MAP4K4: variants seen among roughly 807,000 people sequenced by gnomAD.
MAP4K4 encodes HPK/GCK-like kinase HGK.
Under a neutral mutation model 189.6 loss-of-function variants are expected in MAP4K4, and 38 were observed. The observed-to-expected ratio is 0.20, with a 90% CI of 0.15 to 0.26. The LOEUF (loss-of-function observed/expected upper bound fraction) is 0.26. Ranked by LOEUF, MAP4K4 falls within the 10% of genes least tolerant of loss-of-function variation. The probability of loss-of-function intolerance (pLI) is 1.00; values close to 1 mark genes in which losing one functional copy is unlikely to be tolerated. For synonymous variants in MAP4K4, 610 were observed against 624.3 expected (o/e 0.98, Z 0.34); for missense variants, 1,054 against 1,726.9 (o/e 0.61, Z 6.91).
intron 16 of MAP4K4, among the ~76,000 whole-genome samples, chr2:101,863,464 G>A (rs2097725812): frequency 6.6e-6 from 1 of 152,042 alleles, no homozygotes; most frequent in African/African-American, 2.4e-5. Flanking sequence ...TGCCTTTCCA[G>A]TCTCTGCTTT....
intron 2 of MAP4K4, among the ~76,000 whole-genome samples, chr2:101,771,190 G>T (rs919891056): frequency 6.6e-6 from 1 of 152,184 alleles, no homozygotes; most frequent in Non-Finnish European, 1.5e-5. Context: ...ATGGTGGAGG[G>T]GAGCTATTTA....
chr2:101,718,798 A>G (rs918260922), intron 2 of MAP4K4, among the ~76,000 whole-genome samples: 8 of 152,188 alleles, frequency 5.3e-5, no homozygotes, highest in African/African-American at 1.9e-4. Context: ...TTCTGATTTC[A>G]GTGCATCTGG....
chr2:101,760,428 G>A (rs926714786), intron 2 of MAP4K4, among the ~76,000 whole-genome samples: 5 of 149,636 alleles, frequency 3.3e-5, no homozygotes, highest in African/African-American at 1.2e-4. Context: ...GGCAGAGGTT[G>A]TAGTGAGCTG....
At chr2:101,764,504 AT>A (rs1412995928) in intron 2 of MAP4K4, among the ~76,000 whole-genome samples, 1 of 152,214 alleles carries the variant, frequency 6.6e-6, no homozygotes, top group African/African-American at 2.4e-5. Context: ...GAATATATTA[AT>A]ATGTGCAAGG....
chr2:101,729,494 T>G (rs935249694), intron 2 of MAP4K4, among the ~76,000 whole-genome samples: 13 of 152,220 alleles, frequency 8.5e-5, no homozygotes, highest in Non-Finnish European at 2.9e-5. Flanking sequence ...TAGGCTGCAG[T>G]CAAGATAGTT....
At chr2:101,708,924 C>G (rs933202975) in intron 2 of MAP4K4, among the ~76,000 whole-genome samples, 1 of 152,152 alleles carries the variant, frequency 6.6e-6, no homozygotes, top group Non-Finnish European at 1.5e-5. Context: ...GTTCTTTGTT[C>G]CTTTTTATTG....
intron 3 of MAP4K4, among the ~76,000 whole-genome samples, chr2:101,796,508 A>G (rs2093712377): frequency 2.0e-5 from 3 of 152,160 alleles, no homozygotes; most frequent in Admixed American, 2.0e-4. Flanking sequence ...TAGAACCTGG[A>G]TCTTTGATTC....
At chr2:101,800,748 G>A (rs1305767388) in intron 3 of MAP4K4, among the ~76,000 whole-genome samples, 1 of 152,130 alleles carries the variant, frequency 6.6e-6, no homozygotes, top group African/African-American at 2.4e-5. Context: ...ATTTAAACAA[G>A]TACTGAACAC....
intron 8 of MAP4K4, among the ~76,000 whole-genome samples, chr2:101,835,090 A>G (rs1162520190): frequency 6.6e-6 from 1 of 152,242 alleles, no homozygotes; most frequent in African/African-American, 2.4e-5. Context: ...TATTTGTTGA[A>G]TGAATGAAAA....
chr2:101,701,581 C>A (rs1005679291), intron 2 of MAP4K4, among the ~76,000 whole-genome samples: 2 of 152,158 alleles, frequency 1.3e-5, no homozygotes, highest in African/African-American at 2.4e-5. Flanking sequence ...GTGTCTCTGA[C>A]AACAGTGGTA....
intron 2 of MAP4K4, among the ~76,000 whole-genome samples, chr2:101,780,183 A>G (rs1051962948): frequency 6.6e-6 from 1 of 152,188 alleles, no homozygotes; most frequent in African/African-American, 2.4e-5. Flanking sequence ...TGAAACCTTA[A>G]TTGAAGGTTG....
chr2:101,809,931 A>G (rs940048458), intron 3 of MAP4K4, among the ~76,000 whole-genome samples: 1 of 152,270 alleles, frequency 6.6e-6, no homozygotes, highest in Non-Finnish European at 1.5e-5. Flanking sequence ...GGATAATGCC[A>G]AATATACTTA....
intron 2 of MAP4K4, among the ~76,000 whole-genome samples, chr2:101,699,481 T>G (rs1232541620): frequency 1.3e-5 from 2 of 152,188 alleles, no homozygotes; most frequent in Non-Finnish European, 2.9e-5. Context: ...ATACTGAACG[T>G]TTTCTAAAAG....
chr2:101,795,254 C>A (rs909813856), intron 3 of MAP4K4, among the ~76,000 whole-genome samples: 2 of 152,218 alleles, frequency 1.3e-5, no homozygotes, highest in African/African-American at 4.8e-5. Context: ...AACCTTTCAA[C>A]TAATGGCTTT....
intron 11 of MAP4K4, among the ~76,000 whole-genome samples, chr2:101,843,355 G>T (rs2096978775): frequency 6.6e-6 from 1 of 152,162 alleles, no homozygotes; most frequent in Non-Finnish European, 1.5e-5. Flanking sequence ...AGAGAGAAGA[G>T]AATTTATTGA....
chr2:101,741,185 T>TTTA (rs2062616645), intron 2 of MAP4K4, among the ~76,000 whole-genome samples: 1 of 126,130 alleles, frequency 7.9e-6, no homozygotes, highest in African/African-American at 3.2e-5. Flanking sequence ...TTTTTTTTTT[T>TTTA]GAGACAGAGT....
intron 3 of MAP4K4, among the ~76,000 whole-genome samples, chr2:101,800,475 G>T (rs548279451): frequency 6.6e-6 from 1 of 152,246 alleles, no homozygotes; most frequent in African/African-American, 2.4e-5. Flanking sequence ...CCTTTTAAAA[G>T]ATTACAGACA....
intron 2 of MAP4K4, among the ~76,000 whole-genome samples, chr2:101,732,608 C>T (rs1422784799): frequency 6.6e-6 from 1 of 151,956 alleles, no homozygotes; most frequent in Non-Finnish European, 1.5e-5. Flanking sequence ...TTTTTTGAGA[C>T]AGAGTCTTGC....
intron 2 of MAP4K4, among the ~76,000 whole-genome samples, chr2:101,745,999 TG>T (rs199799839): frequency 0.01 from 1,580 of 151,092 alleles, 30 homozygotes; most frequent in African/African-American, 0.035. Context: ...TGTGTGTGTG[TG>T]TGTGTGTTTT....
Sources: allele counts gnomAD v4.1 joint callset (sites outside exome capture counted in the v4.1 genomes callset), GRCh38; gene constraint gnomAD v4.1.1; transcripts MANE v1.5; gene names NCBI Gene and HGNC (gene_info 2026-07-23, HGNC 2026-07-21).